DNAAF11: variants seen among roughly 807,000 people sequenced by gnomAD.
DNAAF11 encodes dynein axonemal assembly factor 11.
Under a neutral mutation model 60.8 loss-of-function variants are expected in DNAAF11, and 45 were observed. That is an observed-to-expected ratio of 0.74 (90% confidence interval 0.58 to 0.95). DNAAF11 has a LOEUF of 0.95. Among genes scored for constraint, DNAAF11 ranks in the 40% least tolerant of loss-of-function variants. The pLI is 0.00. For missense variants in DNAAF11, 546 were observed against 546.2 expected (o/e 1.00, Z 0.00); for synonymous variants, 191 against 183.5 (o/e 1.04, Z -0.33).
rs945275775 is a variant in DNAAF11 at position 132,572,235 on chromosome 8, T to A, written c.*71A>T. The A allele has an allele frequency of 1.3e-4, 164 of 1,225,206 alleles. No homozygotes were observed. The highest frequency in any genetic ancestry group is 5.9e-4 in the Middle Eastern group (3 of 5,056). 75.9% of individuals were successfully genotyped at this position (1,225,206 alleles called of 1,614,324 possible). A position where few individuals can be genotyped will look rare whatever the true frequency, so the allele number is the denominator to read the frequency against. ...CTCTGTGTTTATCCCAGGAATAATA[T>A]GCATATGGTCTCTACACCAACCAAA... On this transcript the variant is annotated 3_prime_UTR_variant, in exon 12 of 12. Coordinates refer to ENST00000620350, the MANE Select transcript of DNAAF11 (RefSeq NM_012472.6).
At position 132,573,019 on chromosome 8, in the gene DNAAF11, T is replaced by C. The variant is rs540990879; in HGVS notation, c.1227-539A>G. ...CCTGAGCCTTCTGCACTCACTCAGT[T>C]TTCTCAGCAATAGCAAGCATGAAAC... On this transcript the variant is annotated intron_variant, in intron 11 of 11. Transcript: ENST00000620350. Among the ~76,000 whole-genome samples the C allele has an allele frequency of 2.0e-5, 3 of 152,210 alleles. No homozygotes were observed. In the East Asian group the frequency reaches 5.8e-4, roughly 29 times the overall value.
the DNAAF11 span, among the ~76,000 whole-genome samples, chr8:132,690,373 C>A: frequency 1.3e-5 from 2 of 152,168 alleles, no homozygotes; most frequent in African/African-American, 4.8e-5. Flanking sequence ...TCTTCTCTCT[C>A]CTGCTGCCTT....
At position 132,638,064 on chromosome 8, in the gene DNAAF11, A is replaced by G; in HGVS notation, c.300T>C (p.Ile100=). The stretch of plus-strand genomic sequence containing the variant: ...AGTTTTTAATGCTGCTCAGCTCTCC[A>G]ATGAAATTCACAGTCAGGTCAAGTT... ...LAKLDLTVNF[I]GELSSIKNLQ... Residue 100 remains isoleucine, a synonymous_variant, in exon 4 of 12, where the codon ATT becomes ATC. Coordinates refer to ENST00000620350, the MANE Select transcript of DNAAF11 (RefSeq NM_012472.6). 2 of 1,614,194 alleles carry G rather than the reference A, an allele frequency of 1.2e-6. No homozygotes were observed. Among genetic ancestry groups the G allele is most frequent in the Non-Finnish European group, 8.5e-7 (1 of 1,180,010 alleles).
In DNAAF11 at chr8:132,656,897, G is replaced by A; in HGVS notation, c.189C>T (p.Ser63=). The change falls in exon 3 of 12, where the codon AGC becomes AGT. Residue 63 remains serine (S), a synonymous_variant. Coordinates refer to ENST00000620350, the MANE Select transcript of DNAAF11 (RefSeq NM_012472.6). ...NNLIGKIENV[S]KLKKLEYLNL... ...TCAAATATTCAAGTTTCTTGAGTTTGCTAACATTTTCTGAAATACAAGATA... is the reference window on the plus strand; with the variant it reads ...TCAAATATTCAAGTTTCTTGAGTTTACTAACATTTTCTGAAATACAAGATA... The A allele has an allele frequency of 1.5e-6, 2 of 1,336,916 alleles. No homozygotes were observed. Among genetic ancestry groups the A allele is most frequent in the Admixed American group, 2.0e-5 (1 of 50,694 alleles). The allele number at this position is 1,336,916 out of a possible 1,614,324, so 82.8% of individuals were successfully genotyped here. A position where few individuals can be genotyped will look rare whatever the true frequency, so the allele number is the denominator to read the frequency against.
intron 10 of DNAAF11, among the ~76,000 whole-genome samples, chr8:132,597,973 CTT>C (rs1045534828): frequency 9.9e-5 from 15 of 152,132 alleles, no homozygotes; most frequent in African/African-American, 3.6e-4. Context: ...AGGTGAAGCA[CTT>C]TACTATATTA....
chr8:132,634,038 T>C (rs1173773283), intron 4 of DNAAF11, among the ~76,000 whole-genome samples: 1 of 150,110 alleles, frequency 6.7e-6, no homozygotes, highest in Non-Finnish European at 1.5e-5. Flanking sequence ...ATAAGAAACA[T>C]AAAAAAGGAA....
At chr8:132,696,092 A>G in the DNAAF11 span, among the ~76,000 whole-genome samples, 1 of 152,174 alleles carries the variant, frequency 6.6e-6, no homozygotes, top group South Asian at 2.1e-4. Flanking sequence ...TCCAGGCTTG[A>G]CTGTGAGTGC....
intron 1 of DNAAF11, among the ~76,000 whole-genome samples, chr8:132,674,777 A>T (rs1262275019): frequency 6.6e-6 from 1 of 152,114 alleles, no homozygotes; most frequent in Non-Finnish European, 1.5e-5. Context: ...AATCCCAGCT[A>T]CTCAGGTGGC....
chr8:132,642,283 T>C (rs1029782824), intron 3 of DNAAF11, among the ~76,000 whole-genome samples: 1 of 152,254 alleles, frequency 6.6e-6, no homozygotes, highest in Non-Finnish European at 1.5e-5. Flanking sequence ...ACATCATGCT[T>C]ATGAGAGAAA....
chr8:132,594,551 G>T (rs1816793614), intron 10 of DNAAF11, among the ~76,000 whole-genome samples: 1 of 152,156 alleles, frequency 6.6e-6, no homozygotes, highest in Admixed American at 6.5e-5. Context: ...TAATCACCAT[G>T]TGTCAAGGAG....
intron 9 of DNAAF11, 109 bp from the exon 10 acceptor site, chr8:132,610,370 A>C: frequency 1.4e-6 from 1 of 697,468 alleles, no homozygotes; most frequent in Non-Finnish European, 2.6e-6. Context: ...TCAATTAAGA[A>C]ATGTGCTTAA....
chr8:132,679,163 C>A (rs1825829640), upstream of DNAAF11, among the ~76,000 whole-genome samples: 1 of 152,182 alleles, frequency 6.6e-6, no homozygotes, highest in South Asian at 2.1e-4. Context: ...TGTGCCTAAA[C>A]CTTAATTCTA....
chr8:132,596,164 A>G (rs1816997882), intron 10 of DNAAF11, among the ~76,000 whole-genome samples: 1 of 152,176 alleles, frequency 6.6e-6, no homozygotes, highest in Non-Finnish European at 1.5e-5. Context: ...GCTGACCATG[A>G]ATTCATGTGG....
At chr8:132,625,734 A>T (rs1263007697) in intron 5 of DNAAF11, among the ~76,000 whole-genome samples, 1 of 152,174 alleles carries the variant, frequency 6.6e-6, no homozygotes, top group African/African-American at 2.4e-5. Flanking sequence ...TCCAGGGTTC[A>T]CAGACCTGAC....
chr8:132,610,615 A>G (rs1818566624), intron 9 of DNAAF11, among the ~76,000 whole-genome samples: 1 of 152,218 alleles, frequency 6.6e-6, no homozygotes, highest in Non-Finnish European at 1.5e-5. Context: ...TATTTTAGAA[A>G]TAATAAAATT....
At chr8:132,626,217 A>G (rs1265250824) in intron 5 of DNAAF11, among the ~76,000 whole-genome samples, 2 of 151,874 alleles carry the variant, frequency 1.3e-5, no homozygotes, top group Non-Finnish European at 2.9e-5. Flanking sequence ...ACACCCGGCT[A>G]ATTTTTTGTA....
intron 10 of DNAAF11, among the ~76,000 whole-genome samples, chr8:132,586,539 A>C (rs1358342591): frequency 6.6e-6 from 1 of 152,168 alleles, no homozygotes; most frequent in Non-Finnish European, 1.5e-5. Context: ...TGTCCATACC[A>C]ACTACCCGTA....
intron 3 of DNAAF11, among the ~76,000 whole-genome samples, chr8:132,650,624 T>C (rs1822910986): frequency 6.6e-6 from 1 of 152,214 alleles, no homozygotes; most frequent in Non-Finnish European, 1.5e-5. Context: ...TACAAAACTA[T>C]ATCTACAAAT....
chr8:132,583,900 T>C (rs1041330316), intron 10 of DNAAF11, 121 bp from the exon 11 acceptor site: 2 of 686,152 alleles, frequency 2.9e-6, no homozygotes, highest in Admixed American at 4.7e-5. Flanking sequence ...ACATATTCCA[T>C]GAAAGACTCA....
Sources: allele counts gnomAD v4.1 joint callset (sites outside exome capture counted in the v4.1 genomes callset), GRCh38; gene constraint gnomAD v4.1.1; transcripts MANE v1.5; gene names NCBI Gene and HGNC (gene_info 2026-07-23, HGNC 2026-07-21).